Variants in DIAPH1 observed in about 807,000 individuals in gnomAD.
DIAPH1 encodes diaphanous related formin 1.
A neutral mutation model predicts 140.7 loss-of-function variants in DIAPH1; 46 were observed. That is an observed-to-expected ratio of 0.33 (90% CI 0.26 to 0.42). The LOEUF is 0.42. DIAPH1 is among the 10% of genes least tolerant of loss of function. DIAPH1 has a pLI of 1.00. For missense variants in DIAPH1, 1,310 were observed against 1,558.7 expected, an observed-to-expected ratio of 0.84 and a Z score of 2.69; for synonymous variants, 565 against 551.6, an observed-to-expected ratio of 1.02 and a Z score of -0.34.
chr5:141,551,296 A>T (rs2099891647), intron 18 of DIAPH1, among the ~76,000 whole-genome samples: 1 of 152,144 alleles, frequency 6.6e-6, no homozygotes. Context: ...CCAAAAATAC[A>T]AATCAAAAAA....
At chr5:141,529,560 G>T in intron 20 of DIAPH1, 43 bp downstream of exon 20, 3 of 1,489,688 alleles carry the variant, frequency 2.0e-6, no homozygotes, top group South Asian at 1.1e-5. Context: ...AGTGCCCAGC[G>T]ACACAGAAGA....
At chr5:141,615,325 T>C (rs2099902497) in intron 1 of DIAPH1, among the ~76,000 whole-genome samples, 1 of 148,240 alleles carries the variant, frequency 6.7e-6, no homozygotes, top group East Asian at 2.0e-4. Flanking sequence ...CCCAGCTGCT[T>C]GGAAGGCTGA....
At chr5:141,552,301 C>T (rs529060100) in intron 18 of DIAPH1, among the ~76,000 whole-genome samples, 77 of 152,128 alleles carry the variant, frequency 5.1e-4, no homozygotes, top group East Asian at 1.7e-3. Context: ...GCAATCCTCC[C>T]GCCTCAGCCT....
chr5:141,606,189 A>G (rs1371440932), intron 1 of DIAPH1, among the ~76,000 whole-genome samples: 1 of 152,164 alleles, frequency 6.6e-6, no homozygotes, highest in Non-Finnish European at 1.5e-5. Context: ...TCCTACTGCC[A>G]CTAGTACTTT....
In DIAPH1 at chr5:141,583,493, G is replaced by T; in HGVS notation, c.525C>A (p.Asn175Lys). The change falls in exon 5 of 28, where the codon AAC (asparagine) becomes AAA (lysine). Residue 175 changes from asparagine (N) to lysine (K), a missense_variant. By Grantham distance (94) the Asn-to-Lys change is moderately conservative. Transcript: ENST00000389054. ...LESLRVSLNNNPVSWVQTFGA... is the reference protein window; with the variant it reads ...LESLRVSLNNKPVSWVQTFGA... ...CTCCTCAGAATCCTCACCTGACAGG[G>T]TTGTTGTTGAGAGACACACGAAGGG... 1 of 1,614,166 alleles carries T rather than the reference G, an allele frequency of 6.2e-7. No homozygotes were observed. Among genetic ancestry groups the T allele is most frequent in the Non-Finnish European group, 8.5e-7 (1 of 1,180,026 alleles).
At chr5:141,562,726 T>G (rs370254568) in intron 18 of DIAPH1, among the ~76,000 whole-genome samples, 15 of 152,238 alleles carry the variant, frequency 9.9e-5, no homozygotes, top group African/African-American at 3.6e-4. Context: ...TCTACAACCT[T>G]ATGTTTGGAG....
chr5:141,529,779 A>G, intron 19 of DIAPH1, 82 bp from the exon 20 acceptor site: 1 of 1,265,054 alleles, frequency 7.9e-7, no homozygotes, highest in South Asian at 1.2e-5. Context: ...ATGCTGGATA[A>G]TCTTCCTAAC....
intron 19 of DIAPH1, among the ~76,000 whole-genome samples, chr5:141,530,628 T>G (rs2099888065): frequency 6.6e-6 from 1 of 152,136 alleles, no homozygotes; most frequent in African/African-American, 2.4e-5. Context: ...CTTTCCCCAC[T>G]GCCCCACCAC....
intron 1 of DIAPH1, among the ~76,000 whole-genome samples, chr5:141,589,545 A>G (rs2154596763): frequency 6.6e-6 from 1 of 150,574 alleles, no homozygotes; most frequent in East Asian, 2.0e-4. Flanking sequence ...TTTCATTTAC[A>G]TTCAGTTCAA....
chr5:141,592,109 A>C lies in DIAPH1; in HGVS notation c.118-3859T>G, dbSNP rs1236170431. Among the ~76,000 whole-genome samples the C allele has an allele frequency of 2.6e-5, 4 of 151,560 alleles. No individual in the cohort carries two copies. The East Asian group carries it at 7.8e-4, about 29-fold the overall frequency. On this transcript the variant is annotated intron_variant, in intron 1 of 27. Transcript: ENST00000389054. Reference sequence around the variant, plus strand: ...AAAAAAAAAAAAAGAAAGAAAGAAAATTTAAAAAAAATTACCCATGTTTTA... The same window carrying C: ...AAAAAAAAAAAAAGAAAGAAAGAAACTTTAAAAAAAATTACCCATGTTTTA...
chr5:141,577,571 T>A lies in DIAPH1; in HGVS notation c.1184A>T (p.Gln395Leu). 6.2e-7 allele frequency: 1 copy of A among 1,612,320 alleles called. No individual in the cohort carries two copies. Among genetic ancestry groups the A allele is most frequent in the Non-Finnish European group, 8.5e-7 (1 of 1,178,398 alleles). The change falls in exon 12 of 28, where the codon CAG (glutamine) becomes CTG (leucine). Residue 395 changes from glutamine (Q) to leucine (L), a missense_variant. Coordinates refer to ENST00000389054, the MANE Select transcript of DIAPH1 (RefSeq NM_005219.5). ...ATCCTTCACTGTGTTTAAGAGAATC[T>A]GAAAGACTTCATTAAAGTCAGTGGA... ...MEMDDFNEVF[Q>L]ILLNTVKDSK...
At chr5:141,534,679 T>G (rs902850405) in intron 18 of DIAPH1, among the ~76,000 whole-genome samples, 6 of 152,236 alleles carry the variant, frequency 3.9e-5, no homozygotes, top group African/African-American at 1.4e-4. Context: ...ACCTACATCC[T>G]ATCTACTTGC....
intron 19 of DIAPH1, among the ~76,000 whole-genome samples, chr5:141,532,405 A>G (rs1227600565): frequency 6.6e-6 from 1 of 152,144 alleles, no homozygotes; most frequent in African/African-American, 2.4e-5. Context: ...CTTGGTCTCA[A>G]GCAATCTTCC....
chr5:141,562,201 G>A (rs923248920), intron 18 of DIAPH1, among the ~76,000 whole-genome samples: 17 of 149,022 alleles, frequency 1.1e-4, no homozygotes, highest in African/African-American at 4.0e-4. Context: ...GATCAAATGG[G>A]TTACTGTAGC....
At chr5:141,525,081 T>A (rs1335141050) in intron 26 of DIAPH1, among the ~76,000 whole-genome samples, 1 of 152,146 alleles carries the variant, frequency 6.6e-6, no homozygotes, top group East Asian at 1.9e-4. Flanking sequence ...GGACAAACCC[T>A]GGAGTCCCAG....
intron 18 of DIAPH1, among the ~76,000 whole-genome samples, chr5:141,549,778 GA>G (rs2099891406): frequency 6.6e-6 from 1 of 151,874 alleles, no homozygotes; most frequent in Admixed American, 6.6e-5. Flanking sequence ...TCACAAAATA[GA>G]AAAAAATATT....
At chr5:141,557,303 A>G (rs1005988070) in intron 18 of DIAPH1, among the ~76,000 whole-genome samples, 8 of 152,204 alleles carry the variant, frequency 5.3e-5, no homozygotes, top group Admixed American at 3.9e-4. Context: ...GAACAAGGAT[A>G]CATGTAAAAA....
chr5:141,574,904 C>T lies in DIAPH1; in HGVS notation c.1641+63G>A, dbSNP rs1007058194. ...TCCCTAGGAGCGAGATGACTGACTCCTGTTCCAAGCCATGTGCATCCTGAG... is the reference window on the plus strand; with the variant it reads ...TCCCTAGGAGCGAGATGACTGACTCTTGTTCCAAGCCATGTGCATCCTGAG... On this transcript the variant is annotated intron_variant, in intron 15 of 27. Coordinates refer to ENST00000389054, the MANE Select transcript of DIAPH1 (RefSeq NM_005219.5). The T allele has an allele frequency of 1.0e-5, 16 of 1,586,846 alleles. No individual in the cohort carries two copies. The African/African-American group carries it at 2.0e-4, about 20-fold the overall frequency.
At chr5:141,591,695 G>GAGATATATATATATAT (rs1212743856) in intron 1 of DIAPH1, among the ~76,000 whole-genome samples, 16 of 86,352 alleles carry the variant, frequency 1.9e-4, no homozygotes, top group African/African-American at 7.4e-4. Context: ...GGGAGATGGG[G>GAGATATATATATATAT]ATATATATAT....
Sources: allele counts gnomAD v4.1 joint callset (sites outside exome capture counted in the v4.1 genomes callset), GRCh38; gene constraint gnomAD v4.1.1; transcripts MANE v1.5; gene names NCBI Gene and HGNC (gene_info 2026-07-23, HGNC 2026-07-21).